ZNF517: variants seen among roughly 807,000 people sequenced by gnomAD.
ZNF517 encodes the protein zinc finger protein 517.
ZNF517 carries 12 observed loss-of-function variants against 12.1 expected under a neutral mutation model. That is an observed-to-expected ratio of 0.99 (90% CI 0.63 to 1.61). The LOEUF is 1.61. Among genes scored for constraint, ZNF517 ranks in the 40% most tolerant of loss-of-function variants. ZNF517 has a pLI of 0.00. For missense variants in ZNF517, 781 were observed against 693.2 expected (o/e 1.13, Z -1.42); for synonymous variants, 388 against 310.2 (o/e 1.25, Z -2.63).
intron 4 of ZNF517, among the ~76,000 whole-genome samples, chr8:144,806,185 AG>A (rs1029787942): frequency 1.3e-5 from 2 of 152,330 alleles, no homozygotes; most frequent in African/African-American, 4.8e-5. Context: ...GGCTGCAGAA[AG>A]AACCTTGAGC....
downstream of ZNF517, among the ~76,000 whole-genome samples, chr8:144,812,106 AGCCAG>A (rs1338856149): frequency 2.6e-3 from 352 of 136,576 alleles, 2 homozygotes; most frequent in Admixed American, 6.9e-3. Context: ...AGTAAAGCTC[AGCCAG>A]GTGCAGACTG....
At position 144,803,749 on chromosome 8, in the gene ZNF517, G is replaced by A. The variant is rs1471039365; in HGVS notation, c.142G>A (p.Gly48Arg). The change falls in exon 3 of 5, where the codon GGG becomes AGG. Residue 48 changes from glycine (G) to arginine (R), a missense_variant. Gly to Arg is a moderately radical substitution (Grantham distance 125, BLOSUM62 -2). Transcript: ENST00000359971. ...LYRDVMLENY[G>R]NLASLGFLVA... Reference sequence around the variant, plus strand: ...CAGGGACGTGATGCTGGAGAACTATGGGAACCTGGCCTCACTAGGTGAGGG... The same window carrying A: ...CAGGGACGTGATGCTGGAGAACTATAGGAACCTGGCCTCACTAGGTGAGGG... 1 of 1,613,980 alleles carries A rather than the reference G, an allele frequency of 6.2e-7. No individual in the cohort carries two copies. The highest frequency in any genetic ancestry group is 8.5e-7 in the Non-Finnish European group (1 of 1,179,960).
At chr8:144,803,888 C>T in intron 3 of ZNF517, 121 bp downstream of exon 3, 1 of 1,405,928 alleles carries the variant, frequency 7.1e-7, no homozygotes, top group Non-Finnish European at 9.6e-7. Context: ...GGAGGCTCCC[C>T]AAGGAGCCCC....
At position 144,807,611 on chromosome 8, in the gene ZNF517, C is replaced by A; in HGVS notation, c.695C>A (p.Pro232Gln). ...RHQLIHTEEK[P>Q]FQCGECGKAF... ...CAGCTGATCCACACTGAGGAGAAGCCGTTCCAGTGCGGCGAGTGCGGGAAG... is the reference window on the plus strand; with the variant it reads ...CAGCTGATCCACACTGAGGAGAAGCAGTTCCAGTGCGGCGAGTGCGGGAAG... Residue 232 changes from proline (P) to glutamine (Q), a missense_variant, in exon 5 of 5, where the codon CCG (proline) becomes CAG (glutamine). Pro to Gln is a moderately conservative substitution (Grantham distance 76, BLOSUM62 -1). Coordinates refer to ENST00000359971, the MANE Select transcript of ZNF517 (RefSeq NM_213605.3). The A allele has an allele frequency of 6.2e-7, 1 of 1,608,686 alleles. No homozygotes were observed. The highest frequency in any genetic ancestry group is 2.2e-5 in the East Asian group (1 of 44,608).
At chr8:144,810,381 A>T (rs1395718113), downstream of ZNF517, 5 of 463,934 alleles carry the variant, frequency 1.1e-5, no homozygotes, top group Non-Finnish European at 2.0e-5. Context: ...TGCGCCCCAC[A>T]GTCTGTGCCA....
At position 144,807,444 on chromosome 8, in the gene ZNF517, C is replaced by T. The variant is rs763666385; in HGVS notation, c.528C>T (p.Pro176=). 1 of 1,574,140 alleles carries T rather than the reference C, an allele frequency of 6.4e-7. No individual in the cohort carries two copies. Among genetic ancestry groups the T allele is most frequent in the Non-Finnish European group, 8.6e-7 (1 of 1,160,474 alleles). The change falls in exon 5 of 5, where the codon CCC becomes CCT. Residue 176 remains proline (P), a synonymous_variant. Transcript: ENST00000359971. ...DLGRPVGSSA[P]RYRCVCGKAF... Reference sequence around the variant, plus strand: ...GCCGGCCTGTGGGGAGCTCAGCCCCCCGCTACAGGTGCGTGTGCGGCAAGG... The same window carrying T: ...GCCGGCCTGTGGGGAGCTCAGCCCCTCGCTACAGGTGCGTGTGCGGCAAGG...
intron 4 of ZNF517, 97 bp from the exon 5 acceptor site, chr8:144,807,094 G>A (rs1827259927): frequency 8.3e-6 from 12 of 1,450,414 alleles, no homozygotes; most frequent in Non-Finnish European, 1.1e-5. Context: ...GGTGTTGGGG[G>A]AAGACTTGGG....
Position 144,803,931 on chromosome 8 carries a change from G to A in ZNF517, c.160+164G>A, listed in dbSNP as rs946671627. The A allele has an allele frequency of 3.3e-5, 39 of 1,173,780 alleles. 1 individual carries two copies. In the Middle Eastern group the frequency reaches 8.6e-4, roughly 26 times the overall value. The allele number at this position is 1,173,780 out of a possible 1,614,324, so 72.7% of individuals were successfully genotyped here. A position where few individuals can be genotyped will look rare whatever the true frequency, so the allele number is the denominator to read the frequency against. On this transcript the variant is annotated intron_variant, in intron 3 of 4. Coordinates refer to ENST00000359971, the MANE Select transcript of ZNF517 (RefSeq NM_213605.3). ...TTCCTGTTGGGCACCCACTGCCAGC[G>A]TCAGCCTGCCTGAGGCTTCTCTCCT...
At chr8:144,803,983 C>A in intron 3 of ZNF517, 142 bp from the exon 4 acceptor site, 2 of 1,062,610 alleles carry the variant, frequency 1.9e-6, no homozygotes, top group Middle Eastern at 2.5e-4. Flanking sequence ...CTCCCCCTGG[C>A]CACCTAGCTG....
chr8:144,808,400 G>T lies in ZNF517; in HGVS notation c.*5G>T. 6.9e-7 allele frequency: 1 copy of T among 1,452,986 alleles called. No individual in the cohort carries two copies. Among genetic ancestry groups the T allele is most frequent in the Non-Finnish European group, 9.1e-7 (1 of 1,103,472 alleles). The allele number at this position is 1,452,986 out of a possible 1,614,324, so 90.0% of individuals were successfully genotyped here. On this transcript the variant is annotated 3_prime_UTR_variant, in exon 5 of 5. Transcript: ENST00000359971. ...GCGCCCTGTTGGGCTTCCTGATGACGGGGACGACAGGCCGAGGATTCACGC... is the reference window on the plus strand; with the variant it reads ...GCGCCCTGTTGGGCTTCCTGATGACTGGGACGACAGGCCGAGGATTCACGC...
In ZNF517 at chr8:144,809,972, C is replaced by T. The variant is rs939046865; in HGVS notation, c.*1577C>T. On this transcript the variant is annotated 3_prime_UTR_variant, in exon 5 of 5. Transcript: ENST00000359971. ...GGAGGCTGAAGCAGGAGAATCACTT[C>T]AACCTGGGAGGTAGAGGTTGCAGTG... The T allele has an allele frequency of 2.7e-5, 12 of 436,540 alleles. No individual in the cohort carries two copies. Among genetic ancestry groups the T allele is most frequent in the South Asian group, 5.8e-5 (1 of 17,096 alleles). 27.0% of individuals were successfully genotyped at this position (436,540 alleles called of 1,614,324 possible).
chr8:144,803,841 G>T, intron 3 of ZNF517, 74 bp downstream of exon 3: 1 of 1,557,672 alleles, frequency 6.4e-7, no homozygotes. Flanking sequence ...TGGTTCCATT[G>T]CAGATTCAAG....
chr8:144,812,758 G>GA (rs1278595183), downstream of ZNF517, among the ~76,000 whole-genome samples: 30 of 152,334 alleles, frequency 2.0e-4, no homozygotes, highest in African/African-American at 6.5e-4. Flanking sequence ...CCTGGTAAGA[G>GA]AAAGACGTAA....
At chr8:144,805,163 C>T (rs927163893) in intron 4 of ZNF517, among the ~76,000 whole-genome samples, 2 of 152,232 alleles carry the variant, frequency 1.3e-5, no homozygotes, top group African/African-American at 4.8e-5. Context: ...TAACGGGCGT[C>T]TTCCCAGGCA....
In ZNF517 at chr8:144,807,260, C is replaced by T. The variant is rs1032580151; in HGVS notation, c.344C>T (p.Pro115Leu). 9 of 1,554,494 alleles carry T rather than the reference C, an allele frequency of 5.8e-6. No homozygotes were observed. The highest frequency in any genetic ancestry group is 2.3e-5 in the East Asian group (1 of 44,388). Residue 115 changes from proline (P) to leucine (L), a missense_variant, in exon 5 of 5, where the codon CCG becomes CTG. Coordinates refer to ENST00000359971, the MANE Select transcript of ZNF517 (RefSeq NM_213605.3). ...QRKLSRQAGL[P>L]GTVWGCLPWG... ...AAGCTCTCCAGGCAGGCAGGACTGCCGGGCACCGTGTGGGGGTGCCTCCCC... is the reference window on the plus strand; with the variant it reads ...AAGCTCTCCAGGCAGGCAGGACTGCTGGGCACCGTGTGGGGGTGCCTCCCC...
At chr8:144,805,934 A>G (rs1192582708) in intron 4 of ZNF517, among the ~76,000 whole-genome samples, 1 of 152,238 alleles carries the variant, frequency 6.6e-6, no homozygotes, top group Non-Finnish European at 1.5e-5. Context: ...AGAGATTATT[A>G]TAATATTAGA....
intron 2 of ZNF517, chr8:144,803,324 G>T: frequency 2.2e-6 from 1 of 462,722 alleles, no homozygotes. Flanking sequence ...GGGTGGGGAT[G>T]CTCCCCACAG....
chr8:144,803,997 C>G (rs1294468793), intron 3 of ZNF517, 128 bp from the exon 4 acceptor site: 4 of 1,101,846 alleles, frequency 3.6e-6, no homozygotes, highest in African/African-American at 3.2e-5. Flanking sequence ...CTAGCTGCCC[C>G]CTTCTGGGAT....
downstream of ZNF517, chr8:144,810,186 G>A (rs1261708197): frequency 4.3e-6 from 3 of 698,644 alleles, no homozygotes; most frequent in African/African-American, 5.2e-5. Context: ...GAAGGGTGTG[G>A]CCGGAAGGGT....
Sources: allele counts gnomAD v4.1 joint callset (sites outside exome capture counted in the v4.1 genomes callset), GRCh38; gene constraint gnomAD v4.1.1; transcripts MANE v1.5; gene names NCBI Gene and HGNC (gene_info 2026-07-23, HGNC 2026-07-21).